HERPUD2: variants seen among roughly 807,000 people sequenced by gnomAD.
HERPUD2 encodes HERPUD family member 2.
Under a neutral mutation model 49.9 loss-of-function variants are expected in HERPUD2, and 13 were observed. That is an observed-to-expected ratio of 0.26 (90% CI 0.17 to 0.41). The LOEUF (loss-of-function observed/expected upper bound fraction) is 0.41. Among genes scored for constraint, HERPUD2 ranks in the 10% least tolerant of loss-of-function variants. The pLI, the probability that HERPUD2 is intolerant of heterozygous loss-of-function variation, is 1.00. For missense variants in HERPUD2, 449 were observed against 492.2 expected (o/e 0.91, Z 0.83); for synonymous variants, 172 against 171.4 (o/e 1.00, Z -0.03).
At chr7:35,654,444 CA>C (rs1785232096) in intron 5 of HERPUD2, among the ~76,000 whole-genome samples, 1 of 151,504 alleles carries the variant, frequency 6.6e-6, no homozygotes, top group African/African-American at 2.4e-5. Flanking sequence ...ATCAGAAAAC[CA>C]AGCTATTATG....
chr7:35,643,566 A>G (rs1043184559), intron 5 of HERPUD2, among the ~76,000 whole-genome samples: 3 of 152,118 alleles, frequency 2.0e-5, no homozygotes, highest in African/African-American at 4.8e-5. Context: ...TAACATTTGT[A>G]TAAGAATGAG....
At chr7:35,693,938 T>C (rs1786253213) in intron 2 of HERPUD2, among the ~76,000 whole-genome samples, 1 of 152,162 alleles carries the variant, frequency 6.6e-6, no homozygotes, top group Admixed American at 6.5e-5. Context: ...GCCCGGTCTT[T>C]GCCTGCCAAT....
intron 3 of HERPUD2, among the ~76,000 whole-genome samples, chr7:35,671,208 A>G (rs1268400839): frequency 1.3e-5 from 2 of 152,160 alleles, no homozygotes; most frequent in Non-Finnish European, 2.9e-5. Context: ...GACAAATCCA[A>G]GAAAGGGTAC....
Position 35,635,197 on chromosome 7 carries a change from T to C in HERPUD2, c.879A>G (p.Val293=). The change falls in exon 7 of 9, where the codon GTA becomes GTG. Residue 293 remains valine (V), a synonymous_variant. Transcript: ENST00000311350. ...ACCGACTAAAAGAAGAATAGAAGTA[T>C]ACAATGCTAAGGAGAATCGCAGCTC... The part of the protein sequence containing the change: ...FSRAAILLSI[V]YFYSSFSRFI... The C allele has an allele frequency of 1.9e-6, 3 of 1,614,164 alleles. No individual in the cohort carries two copies. Among genetic ancestry groups the C allele is most frequent in the Non-Finnish European group, 1.7e-6 (2 of 1,179,992 alleles).
At chr7:35,693,757 C>T (rs1786245958) in intron 2 of HERPUD2, among the ~76,000 whole-genome samples, 1 of 152,138 alleles carries the variant, frequency 6.6e-6, no homozygotes, top group Admixed American at 6.5e-5. Flanking sequence ...CCTGCCTCAG[C>T]CTCCTGAGTA....
intron 5 of HERPUD2, among the ~76,000 whole-genome samples, chr7:35,648,413 A>C (rs1338617817): frequency 6.6e-6 from 1 of 152,192 alleles, no homozygotes; most frequent in South Asian, 2.1e-4. Context: ...TACCTGGCTC[A>C]TAACAGTAGA....
Position 35,694,465 on chromosome 7 carries a change from G to A in HERPUD2, c.-135C>T. ...TTCCGTGTCCAAGTCAGTTACAAGT[G>A]CACTGGAGGATACGAAGCCCATTGC... On this transcript the variant is annotated 5_prime_UTR_variant, in exon 2 of 9. Transcript: ENST00000311350. 3 of 865,104 alleles carry A rather than the reference G, an allele frequency of 3.5e-6. No homozygotes were observed. Among genetic ancestry groups the A allele is most frequent in the Middle Eastern group, 3.6e-4 (1 of 2,786 alleles). 53.6% of individuals were successfully genotyped at this position (865,104 alleles called of 1,614,324 possible).
chr7:35,668,335 A>G (rs532511129), intron 4 of HERPUD2, among the ~76,000 whole-genome samples: 28 of 152,292 alleles, frequency 1.8e-4, no homozygotes, highest in African/African-American at 6.3e-4. Context: ...AAATCTTTTT[A>G]TTCTCGTGCT....
At chr7:35,664,950 A>G (rs761154373) in intron 5 of HERPUD2, among the ~76,000 whole-genome samples, 5 of 152,032 alleles carry the variant, frequency 3.3e-5, no homozygotes, top group Non-Finnish European at 5.9e-5. Flanking sequence ...CAAGGAGCTC[A>G]TGTTGCTGCC....
Position 35,694,291 on chromosome 7 carries a change from T to C in HERPUD2, c.40A>G (p.Ile14Val), listed in dbSNP as rs780371652. 6.2e-6 allele frequency: 10 copies of C among 1,614,146 alleles called. No homozygotes were observed. The highest frequency in any genetic ancestry group is 8.5e-6 in the Non-Finnish European group (10 of 1,180,008). ...SGMEIPVTLI[I>V]KAPNQKYSDQ... Reference sequence around the variant, plus strand: ...CTGTATTTCTGATTCGGTGCTTTAATGATGAGGGTCACAGGAATCTCCATC... The same window carrying C: ...CTGTATTTCTGATTCGGTGCTTTAACGATGAGGGTCACAGGAATCTCCATC... The change falls in exon 2 of 9, where the codon ATT (isoleucine) becomes GTT (valine). Residue 14 changes from isoleucine to valine, a missense_variant. Physicochemically the swap from Ile to Val is conservative, Grantham distance 29. Coordinates refer to ENST00000311350, the MANE Select transcript of HERPUD2 (RefSeq NM_022373.5).
At chr7:35,657,376 T>A (rs1583550578) in intron 5 of HERPUD2, among the ~76,000 whole-genome samples, 1 of 151,880 alleles carries the variant, frequency 6.6e-6, no homozygotes, top group South Asian at 2.1e-4. Context: ...CTGGCTAGGA[T>A]GGGGAGAAAA....
chr7:35,660,059 G>C (rs1785377864), intron 5 of HERPUD2, among the ~76,000 whole-genome samples: 2 of 152,040 alleles, frequency 1.3e-5, no homozygotes, highest in Admixed American at 1.3e-4. Flanking sequence ...CCCAGTGTGT[G>C]ATGTTCCCCA....
intron 2 of HERPUD2, among the ~76,000 whole-genome samples, chr7:35,675,956 A>G (rs1785750809): frequency 6.6e-6 from 1 of 152,140 alleles, no homozygotes; most frequent in African/African-American, 2.4e-5. Context: ...TGTATTTTAA[A>G]GCAATATTAC....
chr7:35,654,461 C>T (rs917065078), intron 5 of HERPUD2, among the ~76,000 whole-genome samples: 1 of 151,790 alleles, frequency 6.6e-6, no homozygotes, highest in African/African-American at 2.4e-5. Flanking sequence ...TTATGAACAA[C>T]TACACACTAA....
chr7:35,685,434 G>A (rs1458927426), intron 2 of HERPUD2, among the ~76,000 whole-genome samples: 3 of 149,490 alleles, frequency 2.0e-5, no homozygotes, highest in South Asian at 2.1e-4. Context: ...AGCAATTCTC[G>A]TGCCTCAGCC....
At chr7:35,671,167 A>G (rs1370825789) in intron 3 of HERPUD2, among the ~76,000 whole-genome samples, 1 of 152,144 alleles carries the variant, frequency 6.6e-6, no homozygotes, top group Non-Finnish European at 1.5e-5. Flanking sequence ...TCACTTGCCT[A>G]CCATGAACCT....
At chr7:35,685,032 G>A (rs1382874822) in intron 2 of HERPUD2, among the ~76,000 whole-genome samples, 1 of 152,144 alleles carries the variant, frequency 6.6e-6, no homozygotes, top group Non-Finnish European at 1.5e-5. Context: ...CTAGAGCCCA[G>A]GAGTTCCAGA....
intron 2 of HERPUD2, among the ~76,000 whole-genome samples, chr7:35,693,266 G>A: frequency 6.6e-6 from 1 of 152,190 alleles, no homozygotes. Context: ...GCACCAAATG[G>A]TGGTGGGGTG....
intron 5 of HERPUD2, among the ~76,000 whole-genome samples, chr7:35,652,169 T>G (rs1415174010): frequency 6.6e-6 from 1 of 152,254 alleles, no homozygotes; most frequent in Non-Finnish European, 1.5e-5. Context: ...AGCTACTGTC[T>G]TAAAGCCTAT....
Sources: gnomAD v4.1 joint callset for allele counts (sites outside exome capture counted in the v4.1 genomes callset) on GRCh38, gnomAD v4.1.1 for gene constraint, MANE v1.5 for transcripts, NCBI Gene and HGNC (gene_info 2026-07-23, HGNC 2026-07-21) for gene names.